RIT2: variants seen among roughly 807,000 people sequenced by gnomAD.
The protein encoded by RIT2 is Ras like without CAAX 2, also known as GTP-binding protein Rit2.
In RIT2, 24 loss-of-function variants were observed where a neutral mutation model predicts 23.7. The observed-to-expected ratio is 1.01, with a 90% CI of 0.73 to 1.43. The LOEUF (loss-of-function observed/expected upper bound fraction) is 1.43, where lower values mean the gene tolerates loss of function less well. Among genes scored for constraint, RIT2 ranks in the 40% most tolerant of loss-of-function variants. The pLI is 0.00. For synonymous variants in RIT2, 107 were observed against 91.1 expected (o/e 1.17, Z -0.99); for missense variants, 236 against 266.9 (o/e 0.88, Z 0.81).
At chr18:42,971,190 G>T (rs1387049842) in intron 3 of RIT2, among the ~76,000 whole-genome samples, 1 of 151,944 alleles carries the variant, frequency 6.6e-6, no homozygotes, top group African/African-American at 2.4e-5. Flanking sequence ...ATTATTAAAA[G>T]AATTTCAATG....
intron 1 of RIT2, among the ~76,000 whole-genome samples, chr18:43,090,642 T>A (rs1226337228): frequency 6.6e-6 from 1 of 152,030 alleles, no homozygotes; most frequent in East Asian, 1.9e-4. Flanking sequence ...GTAGACTGGA[T>A]AAAGAGATTG....
At chr18:42,871,483 A>C (rs952205123) in intron 4 of RIT2, among the ~76,000 whole-genome samples, 2 of 152,224 alleles carry the variant, frequency 1.3e-5, no homozygotes, top group Non-Finnish European at 2.9e-5. Flanking sequence ...CCATTGATTT[A>C]TTATGAATAA....
intron 1 of RIT2, among the ~76,000 whole-genome samples, chr18:43,049,978 T>TC (rs1366806309): frequency 5.1e-5 from 1 of 19,734 alleles, no homozygotes; most frequent in African/African-American, 8.7e-5. Flanking sequence ...TTTCCTTTTT[T>TC]TTTTTTTTTT....
At chr18:42,816,917 T>TA (rs1906014494) in intron 4 of RIT2, among the ~76,000 whole-genome samples, 1 of 152,076 alleles carries the variant, frequency 6.6e-6, no homozygotes, top group African/African-American at 2.4e-5. Context: ...TTAAGGTGCA[T>TA]AAAAAATAAC....
intron 4 of RIT2, among the ~76,000 whole-genome samples, chr18:42,780,047 G>GTTTTTTTTTTT (rs71175923): frequency 6.7e-5 from 4 of 59,568 alleles, no homozygotes; most frequent in Non-Finnish European, 9.2e-5. Context: ...CAATTTAGAG[G>GTTTTTTTTTTT]TTTTTTTTTT....
At chr18:43,100,750 A>G (rs915712562) in intron 1 of RIT2, among the ~76,000 whole-genome samples, 3 of 152,106 alleles carry the variant, frequency 2.0e-5, no homozygotes, top group African/African-American at 7.2e-5. Flanking sequence ...GACCTGCACA[A>G]TTGGAAAGAT....
chr18:43,050,797 G>A (rs1912362738), intron 1 of RIT2, among the ~76,000 whole-genome samples: 1 of 152,068 alleles, frequency 6.6e-6, no homozygotes, highest in Admixed American at 6.6e-5. Context: ...GAGGAGCTCA[G>A]GACAGCTGAA....
At chr18:42,745,897 T>C (rs567824077) in intron 4 of RIT2, among the ~76,000 whole-genome samples, 4 of 152,154 alleles carry the variant, frequency 2.6e-5, no homozygotes, top group Non-Finnish European at 5.9e-5. Context: ...CTATTTTCTA[T>C]ATTTATTGGC....
intron 2 of RIT2, among the ~76,000 whole-genome samples, chr18:43,028,162 T>C (rs1256196643): frequency 1.3e-5 from 2 of 152,062 alleles, no homozygotes; most frequent in Non-Finnish European, 2.9e-5. Context: ...TGCACCTGTA[T>C]GTTTTGCATT....
rs75771308 is a variant in RIT2 at position 42,894,545 on chromosome 18, C to T, written c.426+29027G>A. Among the ~76,000 whole-genome samples the T allele has an allele frequency of 3.8e-3, 585 of 152,154 alleles. 5 individuals are homozygous for T. Among genetic ancestry groups the T allele is most frequent in the African/African-American group, 0.013 (560 of 41,488 alleles). ...AGCAGTCTGATCAGTATAGGCTATG[C>T]TATGATAATTAAAGGCTATGCTGTG... On this transcript the variant is annotated intron_variant, in intron 4 of 4. Coordinates refer to ENST00000326695, the MANE Select transcript of RIT2 (RefSeq NM_002930.4).
At chr18:42,820,723 C>A (rs1159149592) in intron 4 of RIT2, among the ~76,000 whole-genome samples, 1 of 152,128 alleles carries the variant, frequency 6.6e-6, no homozygotes, top group Non-Finnish European at 1.5e-5. Context: ...ATAGAAAAAA[C>A]TATGAGATAT....
Position 43,115,534 on chromosome 18 carries a change from C to G in RIT2, c.-15G>C. The G allele has an allele frequency of 1.3e-6, 2 of 1,599,724 alleles. No individual in the cohort carries two copies. The highest frequency in any genetic ancestry group is 1.7e-4 in the Middle Eastern group (1 of 5,986). On this transcript the variant is annotated 5_prime_UTR_variant, in exon 1 of 5. Transcript: ENST00000326695. ...TCTACCTCCATCTTACCCGAGGGAC[C>G]GGAGGAAAAAAAGAAGGAGAAAGTC...
intron 1 of RIT2, among the ~76,000 whole-genome samples, chr18:43,051,859 A>G (rs1216415651): frequency 6.6e-6 from 1 of 152,150 alleles, no homozygotes; most frequent in East Asian, 1.9e-4. Flanking sequence ...AGACCTCTCA[A>G]TCACCTCTTC....
intron 3 of RIT2, among the ~76,000 whole-genome samples, chr18:42,949,972 G>A (rs1451466628): frequency 2.0e-5 from 3 of 152,152 alleles, no homozygotes; most frequent in African/African-American, 7.2e-5. Context: ...GTATTTCTAA[G>A]ATTTGACTTT....
chr18:42,925,049 G>A (rs763176140), intron 3 of RIT2, among the ~76,000 whole-genome samples: 5 of 152,164 alleles, frequency 3.3e-5, no homozygotes, highest in Admixed American at 1.3e-4. Context: ...CGTGACAAGA[G>A]ACTTGTCCAA....
chr18:42,915,367 C>A (rs967137154), intron 4 of RIT2, among the ~76,000 whole-genome samples: 4 of 151,976 alleles, frequency 2.6e-5, no homozygotes, highest in Admixed American at 1.3e-4. Context: ...TCCTTTTTGG[C>A]ACCTTTTTGA....
chr18:42,848,013 A>T lies in RIT2; in HGVS notation c.426+75559T>A, dbSNP rs552258409. ...CCTAGATCCCCCTATAATGAGAGAC[A>T]TTACCCAGCTGCTGGAAATGTAGTA... On this transcript the variant is annotated intron_variant, in intron 4 of 4. Transcript: ENST00000326695. 5.3e-5 allele frequency among the ~76,000 whole-genome samples: 8 copies of T among 151,450 alleles called. No individual in the cohort carries two copies. In the South Asian group the frequency reaches 1.3e-3, roughly 24 times the overall value.
intron 4 of RIT2, among the ~76,000 whole-genome samples, chr18:42,850,094 T>TGC (rs1330300155): frequency 2.0e-5 from 3 of 151,656 alleles, no homozygotes; most frequent in South Asian, 2.1e-4. Context: ...TGTGTGTGTG[T>TGC]GTGTGTGTGT....
intron 4 of RIT2, among the ~76,000 whole-genome samples, chr18:42,838,964 C>T (rs751699137): frequency 5.9e-5 from 9 of 152,160 alleles, no homozygotes; most frequent in Non-Finnish European, 8.8e-5. Context: ...GAGCAACTTC[C>T]GACAACAAGA....
Sources: allele counts gnomAD v4.1 joint callset (sites outside exome capture counted in the v4.1 genomes callset), GRCh38; gene constraint gnomAD v4.1.1; transcripts MANE v1.5; gene names NCBI Gene and HGNC (gene_info 2026-07-23, HGNC 2026-07-21).